CHRM3: variants seen among roughly 807,000 people sequenced by gnomAD.
CHRM3 encodes the protein muscarinic acetylcholine receptor M3.
CHRM3 carries 11 observed loss-of-function variants against 41.8 expected under a neutral mutation model. That is an observed-to-expected ratio of 0.26 (90% CI 0.17 to 0.44). CHRM3 has a LOEUF of 0.44. CHRM3 is among the 20% of genes least tolerant of loss of function. The pLI, the probability that CHRM3 is intolerant of heterozygous loss-of-function variation, is 1.00. For missense variants in CHRM3, 571 were observed against 745.4 expected, an observed-to-expected ratio of 0.77 and a Z score of 2.72; for synonymous variants, 297 against 301.4, an observed-to-expected ratio of 0.99 and a Z score of 0.15.
intron 4 of CHRM3, among the ~76,000 whole-genome samples, chr1:239,644,222 G>A (rs549150078): frequency 6.6e-6 from 1 of 152,254 alleles, no homozygotes; most frequent in Non-Finnish European, 1.5e-5. Flanking sequence ...CATATCAGCT[G>A]CAAATGGACA....
At chr1:239,494,594 A>G (rs538178227) in intron 2 of CHRM3, among the ~76,000 whole-genome samples, 22 of 152,146 alleles carry the variant, frequency 1.4e-4, no homozygotes, top group African/African-American at 5.3e-4. Flanking sequence ...GTGCAGGTCT[A>G]TTGCATAGTT....
intron 5 of CHRM3, among the ~76,000 whole-genome samples, chr1:239,794,387 G>GTTTTTTT (rs10925977): frequency 1.5e-4 from 17 of 115,272 alleles, no homozygotes; most frequent in Non-Finnish European, 2.5e-4. Context: ...TTCGTTTGTT[G>GTTTTTTT]TTTTTTTTTT....
intron 1 of CHRM3, among the ~76,000 whole-genome samples, chr1:239,431,256 G>A (rs1662811892): frequency 1.3e-5 from 2 of 152,012 alleles, no homozygotes; most frequent in Non-Finnish European, 2.9e-5. Flanking sequence ...ATAAATTTAT[G>A]TGACTCATGT....
chr1:239,789,030 C>A (rs1669133786), intron 5 of CHRM3, among the ~76,000 whole-genome samples: 1 of 152,164 alleles, frequency 6.6e-6, no homozygotes, highest in African/African-American at 2.4e-5. Flanking sequence ...TCTTCCTGGT[C>A]AGGCGTCTTT....
At chr1:239,774,480 A>G (rs922144538) in intron 5 of CHRM3, among the ~76,000 whole-genome samples, 21 of 152,210 alleles carry the variant, frequency 1.4e-4, no homozygotes, top group Non-Finnish European at 2.6e-4. Context: ...AGGTAGAAAA[A>G]GAAAATTCAA....
intron 5 of CHRM3, among the ~76,000 whole-genome samples, chr1:239,694,286 C>T (rs1659980001): frequency 6.6e-6 from 1 of 152,160 alleles, no homozygotes; most frequent in African/African-American, 2.4e-5. Context: ...TATCTTGAGG[C>T]ATGAAGTCAA....
rs968843366 is a variant in CHRM3, at chr1:239,914,080, C to A, written c.*4856C>A. The A allele has an allele frequency of 4.8e-5, 8 of 167,036 alleles. No individual in the cohort carries two copies. Among genetic ancestry groups the A allele is most frequent in the African/African-American group, 1.9e-4 (8 of 41,446 alleles). 10.3% of individuals were successfully genotyped at this position (167,036 alleles called of 1,614,324 possible). On this transcript the variant is annotated 3_prime_UTR_variant, in exon 7 of 7. Coordinates refer to ENST00000676153, the MANE Select transcript of CHRM3 (RefSeq NM_001375978.1). Reference sequence around the variant, plus strand: ...CTGCAAAGAAGCATTAGTAAAACTTCCCGCACCCAAATTATAATCCGGCAA... The same window carrying A: ...CTGCAAAGAAGCATTAGTAAAACTTACCGCACCCAAATTATAATCCGGCAA...
At chr1:239,536,374 G>A (rs1407979481) in intron 2 of CHRM3, among the ~76,000 whole-genome samples, 1 of 152,172 alleles carries the variant, frequency 6.6e-6, no homozygotes, top group Admixed American at 6.5e-5. Context: ...TCTCTATGGA[G>A]ATGAGAACAT....
chr1:239,884,341 A>G (rs1157720627), intron 6 of CHRM3, among the ~76,000 whole-genome samples: 4 of 152,314 alleles, frequency 2.6e-5, no homozygotes, highest in Non-Finnish European at 4.4e-5. Flanking sequence ...TGATGTAGTT[A>G]TAAGTCAAGG....
chr1:239,644,065 A>C (rs1167980622), intron 4 of CHRM3, among the ~76,000 whole-genome samples: 3 of 152,226 alleles, frequency 2.0e-5, no homozygotes, highest in Non-Finnish European at 4.4e-5. Flanking sequence ...TTTCATTGAC[A>C]AATGTGATGT....
intron 1 of CHRM3, among the ~76,000 whole-genome samples, chr1:239,401,006 C>A (rs1431930289): frequency 6.6e-6 from 1 of 152,096 alleles, no homozygotes; most frequent in Non-Finnish European, 1.5e-5. Context: ...GCGTGCATAT[C>A]TTTCTCATCA....
At chr1:239,588,736 C>A (rs952941474) in intron 3 of CHRM3, among the ~76,000 whole-genome samples, 2 of 152,248 alleles carry the variant, frequency 1.3e-5, no homozygotes, top group South Asian at 4.1e-4. Context: ...ACAGGTACAA[C>A]TTGTGTTTCT....
At chr1:239,829,922 A>G (rs1672764566) in intron 6 of CHRM3, among the ~76,000 whole-genome samples, 1 of 152,172 alleles carries the variant, frequency 6.6e-6, no homozygotes, top group Admixed American at 6.5e-5. Flanking sequence ...CCTTATAATT[A>G]CTATTTTTGT....
At chr1:239,457,336 C>G (rs958579290) in intron 1 of CHRM3, among the ~76,000 whole-genome samples, 15 of 152,114 alleles carry the variant, frequency 9.9e-5, no homozygotes, top group Non-Finnish European at 1.8e-4. Flanking sequence ...AAGATATTAG[C>G]AGTTTTTATT....
chr1:239,579,194 C>T (rs2148579053), intron 3 of CHRM3, among the ~76,000 whole-genome samples: 1 of 152,208 alleles, frequency 6.6e-6, no homozygotes, highest in Middle Eastern at 3.4e-3. Context: ...TCTTATATTC[C>T]ATATTTCCTT....
chr1:239,628,212 T>C (rs954573173), intron 3 of CHRM3, among the ~76,000 whole-genome samples: 1 of 41,592 alleles, frequency 2.4e-5, no homozygotes, highest in Non-Finnish European at 3.9e-5. Flanking sequence ...CTTTTTATTC[T>C]TTTTTCTCTA....
chr1:239,510,744 C>G (rs983656832), intron 2 of CHRM3, among the ~76,000 whole-genome samples: 1 of 151,906 alleles, frequency 6.6e-6, no homozygotes, highest in Middle Eastern at 3.2e-3. Context: ...TCATGTTGGT[C>G]AGGCTAGTCT....
intron 5 of CHRM3, among the ~76,000 whole-genome samples, chr1:239,771,657 T>C (rs548067294): frequency 5.8e-4 from 88 of 152,330 alleles, no homozygotes; most frequent in African/African-American, 2.0e-3. Context: ...GATAGTATTA[T>C]AATATATCAA....
At chr1:239,628,230 C>T (rs1430514217) in intron 3 of CHRM3, among the ~76,000 whole-genome samples, 1 of 41,046 alleles carries the variant, frequency 2.4e-5, no homozygotes, top group Non-Finnish European at 3.9e-5. Flanking sequence ...CTAAACTTCC[C>T]TTCTCGCTTC....
Sources: allele counts gnomAD v4.1 joint callset (sites outside exome capture counted in the v4.1 genomes callset), GRCh38; gene constraint gnomAD v4.1.1; transcripts MANE v1.5; gene names NCBI Gene and HGNC (gene_info 2026-07-23, HGNC 2026-07-21).